The following LRRFIP1 variants were observed in gnomAD, a reference collection of about 807,000 sequenced individuals.
The protein encoded by LRRFIP1 is leucine-rich repeat flightless-interacting protein 1.
Under a neutral mutation model 104.4 loss-of-function variants are expected in LRRFIP1, and 62 were observed. The ratio of observed to expected loss-of-function variants is 0.59; its 90% CI spans 0.48 to 0.73. LRRFIP1 has a LOEUF of 0.73. LRRFIP1 is among the 30% of genes least tolerant of loss of function. The pLI, the probability that LRRFIP1 is intolerant of heterozygous loss-of-function variation, is 0.00. For synonymous variants in LRRFIP1, 300 were observed against 299.0 expected (o/e 1.00, Z -0.03); for missense variants, 796 against 824.5 (o/e 0.97, Z 0.42).
intron 1 of LRRFIP1, among the ~76,000 whole-genome samples, chr2:237,670,864 C>T (rs964981220): frequency 2.0e-5 from 3 of 152,210 alleles, no homozygotes; most frequent in Non-Finnish European, 4.4e-5. Flanking sequence ...AGGCATTTTC[C>T]GAACGTCTGG....
At position 237,780,692 on chromosome 2, in the gene LRRFIP1, G is replaced by C. The variant is rs2061413467; in HGVS notation, c.*1160G>C. 6.6e-6 allele frequency among the ~76,000 whole-genome samples: 1 copy of C among 152,178 alleles called. No homozygotes were observed. The highest frequency in any genetic ancestry group is 1.5e-5 in the Non-Finnish European group (1 of 68,036). ...AAACCATATCTAGTCTTAACACATG[G>C]AGAATGCTGGAGTGAGGGTTGTGAG... On this transcript the variant is annotated 3_prime_UTR_variant, in exon 24 of 24. Transcript: ENST00000308482.
rs1235235334 is a variant in LRRFIP1 at position 237,735,539 on chromosome 2, ACT to A, written c.555+208_555+209del. ...CTCTGGTTGTTGGTTTCATGTCCTC[ACT>A]CATCAGGGAGAGTAACTTGCACTGA... On this transcript the variant is annotated intron_variant, in intron 10 of 23. Transcript: ENST00000308482. The surrounding 1 kb of genome is among the most constrained non-coding windows in gnomAD (Gnocchi z 4.6). 5 of 547,774 alleles carry A rather than the reference ACT, an allele frequency of 9.1e-6. No individual in the cohort carries two copies. The highest frequency in any genetic ancestry group is 1.6e-5 in the Non-Finnish European group (5 of 309,818). 33.9% of individuals were successfully genotyped at this position (547,774 alleles called of 1,614,324 possible).
At chr2:237,707,820 C>T (rs887887563) in intron 1 of LRRFIP1, among the ~76,000 whole-genome samples, 6 of 152,178 alleles carry the variant, frequency 3.9e-5, no homozygotes, top group Non-Finnish European at 5.9e-5. Flanking sequence ...CTGAAAAATA[C>T]TTATATGGAG....
intron 1 of LRRFIP1, among the ~76,000 whole-genome samples, chr2:237,646,794 G>C (rs2084988786): frequency 6.6e-6 from 1 of 151,946 alleles, no homozygotes; most frequent in African/African-American, 2.4e-5. Flanking sequence ...CTTTGATCTG[G>C]AATGTTCCAG....
At chr2:237,632,806 A>C (rs6709154) in intron 1 of LRRFIP1, among the ~76,000 whole-genome samples, 63,416 of 151,946 alleles carry the variant, frequency 0.42, 13,487 homozygotes, top group East Asian at 0.45. Flanking sequence ...GCCCAGCTGC[A>C]AAGATGCAAA....
chr2:237,755,565 ACTC>A (rs1323591053), intron 15 of LRRFIP1, among the ~76,000 whole-genome samples: 1 of 151,996 alleles, frequency 6.6e-6, no homozygotes, highest in East Asian at 1.9e-4. Flanking sequence ...GATTGCATCA[ACTC>A]CTCAGGTTAA....
intron 1 of LRRFIP1, among the ~76,000 whole-genome samples, chr2:237,638,450 T>G (rs1033250688): frequency 2.0e-5 from 3 of 152,238 alleles, no homozygotes; most frequent in Non-Finnish European, 4.4e-5. Flanking sequence ...CCTCCTGCTG[T>G]GTGTCCCAGT....
intron 1 of LRRFIP1, among the ~76,000 whole-genome samples, chr2:237,693,337 A>G (rs950466530): frequency 6.6e-6 from 1 of 152,184 alleles, no homozygotes; most frequent in Non-Finnish European, 1.5e-5. Flanking sequence ...TTAATCATCT[A>G]CTGGGTGTGT....
At chr2:237,771,555 C>T (rs1320504210) in intron 20 of LRRFIP1, among the ~76,000 whole-genome samples, 1 of 74,606 alleles carries the variant, frequency 1.3e-5, no homozygotes, top group African/African-American at 6.6e-5. Flanking sequence ...AACCAATCCC[C>T]CCCCCCCCCC....
chr2:237,640,242 G>A (rs1377184088), intron 1 of LRRFIP1, among the ~76,000 whole-genome samples: 1 of 152,168 alleles, frequency 6.6e-6, no homozygotes, highest in Admixed American at 6.5e-5. Flanking sequence ...ATGGAGACAC[G>A]AGCTGCCAAT....
chr2:237,720,850 A>G (rs746781600), intron 6 of LRRFIP1, 28 bp downstream of exon 6: 12 of 1,608,138 alleles, frequency 7.5e-6, no homozygotes, highest in Admixed American at 1.7e-5. Flanking sequence ...TGGAGTTTGC[A>G]TGGCACAGTT....
intron 1 of LRRFIP1, among the ~76,000 whole-genome samples, chr2:237,670,728 G>A (rs1431951610): frequency 3.9e-5 from 6 of 152,232 alleles, no homozygotes; most frequent in Non-Finnish European, 1.5e-5. Flanking sequence ...TGGCTGTGTG[G>A]CTCAGGACTA....
Position 237,753,376 on chromosome 2 carries a change from A to G in LRRFIP1, c.935A>G (p.Glu312Gly). The G allele has an allele frequency of 6.2e-7, 1 of 1,607,546 alleles. No individual in the cohort carries two copies. The highest frequency in any genetic ancestry group is 8.5e-7 in the Non-Finnish European group (1 of 1,178,568). Residue 312 changes from glutamate (E) to glycine (G), a missense_variant, in exon 15 of 24, where the codon GAA becomes GGA. Physicochemically the swap from Glu to Gly is moderately conservative, Grantham distance 98. Coordinates refer to ENST00000308482, the MANE Select transcript of LRRFIP1 (RefSeq NM_001137550.2). ...AMVSNAQLDN[E>G]KTNFMYQVDT... is the part of the protein sequence containing the mutation. ...GTTTCCAATGCTCAGCTAGACAATG[A>G]AAAGACAAACTTCATGTACCAGGTT...
At chr2:237,679,759 C>T (rs992595117) in intron 1 of LRRFIP1, among the ~76,000 whole-genome samples, 4 of 152,170 alleles carry the variant, frequency 2.6e-5, no homozygotes, top group Non-Finnish European at 5.9e-5. Flanking sequence ...CAGGTATGCA[C>T]CACCACGCCC....
intron 1 of LRRFIP1, among the ~76,000 whole-genome samples, chr2:237,672,974 A>G (rs1356863196): frequency 3.3e-5 from 5 of 152,222 alleles, no homozygotes. Flanking sequence ...AAATTCTTTT[A>G]CAATACGATG....
intron 21 of LRRFIP1, 179 bp downstream of exon 21, chr2:237,772,377 T>G: frequency 1.8e-6 from 1 of 567,212 alleles, no homozygotes; most frequent in South Asian, 2.3e-5. Flanking sequence ...TGTTTCTCTC[T>G]GAGCCTATGA....
chr2:237,763,910 A>G lies in LRRFIP1; in HGVS notation c.1459+3705A>G, dbSNP rs757996038. On this transcript the variant is annotated intron_variant, in intron 19 of 23. Transcript: ENST00000308482. ...TCGCTGCACCCTGCCCGAACATGAAAGTCCCTCACAGGACATTAGTGATGC... is the reference window on the plus strand; with the variant it reads ...TCGCTGCACCCTGCCCGAACATGAAGGTCCCTCACAGGACATTAGTGATGC... 4.3e-6 allele frequency: 7 copies of G among 1,614,144 alleles called. No individual in the cohort carries two copies. The African/African-American group carries it at 6.7e-5, about 15-fold the overall frequency.
chr2:237,724,351 A>G (rs575754073), intron 7 of LRRFIP1, among the ~76,000 whole-genome samples: 1 of 152,362 alleles, frequency 6.6e-6, no homozygotes, highest in Non-Finnish European at 1.5e-5. Flanking sequence ...GCATTTCAAA[A>G]TTATTTAGTA....
At chr2:237,762,769 T>C in intron 19 of LRRFIP1, 1 of 1,614,256 alleles carries the variant, frequency 6.2e-7, no homozygotes, top group East Asian at 2.2e-5. Flanking sequence ...AGAAATCCTC[T>C]GAAGACACTG....
Sources: gnomAD v4.1 joint callset for allele counts (sites outside exome capture counted in the v4.1 genomes callset) on GRCh38, gnomAD v4.1.1 for gene constraint, Gnocchi (gnomAD v3.1) non-coding constraint, MANE v1.5 for transcripts, NCBI Gene and HGNC (gene_info 2026-07-23, HGNC 2026-07-21) for gene names.